IL6ST: variants seen among roughly 807,000 people sequenced by gnomAD.
IL6ST encodes interleukin 6 cytokine family signal transducer.
A neutral mutation model predicts 91.3 loss-of-function variants in IL6ST; 24 were observed. That is an observed-to-expected ratio of 0.26 (90% confidence interval 0.19 to 0.37). The LOEUF is 0.37. IL6ST is among the 10% of genes least tolerant of loss of function. The pLI is 1.00. For synonymous variants in IL6ST, 351 were observed against 373.6 expected, an observed-to-expected ratio of 0.94 and a Z score of 0.70; for missense variants, 914 against 1,078.5, an observed-to-expected ratio of 0.85 and a Z score of 2.14.
At position 55,939,365 on chromosome 5, in the gene IL6ST, A is replaced by G. The variant is rs1750739118; in HGVS notation, c.*1717T>C. On this transcript the variant is annotated 3_prime_UTR_variant, in exon 17 of 17. Transcript: ENST00000381298. ...GAAACATCTATTTTTTTCATAAAGAAGATCATATAATATGTGAAAGAACTT... is the reference window on the plus strand; with the variant it reads ...GAAACATCTATTTTTTTCATAAAGAGGATCATATAATATGTGAAAGAACTT... 1.0e-5 allele frequency: 2 copies of G among 200,076 alleles called. No homozygotes were observed. The highest frequency in any genetic ancestry group is 4.6e-5 in the African/African-American group (2 of 43,126). 12.4% of individuals were successfully genotyped at this position (200,076 alleles called of 1,614,324 possible). A position where few individuals can be genotyped will look rare whatever the true frequency, so the allele number is the denominator to read the frequency against.
chr5:55,967,920 C>T (rs879473322), intron 5 of IL6ST, among the ~76,000 whole-genome samples: 29 of 152,110 alleles, frequency 1.9e-4, no homozygotes, highest in Non-Finnish European at 2.6e-4. Flanking sequence ...CCTCAACCTC[C>T]GAGTCACTGG....
At position 55,956,199 on chromosome 5, in the gene IL6ST, C is replaced by A. The variant is rs1751959732; in HGVS notation, c.1093G>T (p.Asp365Tyr). 6.2e-7 allele frequency: 1 copy of A among 1,610,528 alleles called. No individual in the cohort carries two copies. Among genetic ancestry groups the A allele is most frequent in the African/African-American group, 1.3e-5 (1 of 74,964 alleles). ...CATCTTGTGAGAGTCACTTCATAAT[C>A]CAAGATTTTTCCATTGGCTTCAAAA... is the stretch of plus-strand genomic sequence containing the variant. ...PPFEANGKIL[D>Y]YEVTLTRWKS... The change falls in exon 10 of 17, where the codon GAT (aspartate) becomes TAT (tyrosine). Residue 365 changes from aspartate (D) to tyrosine (Y), a missense_variant. Transcript: ENST00000381298.
chr5:55,972,675 G>A (rs187806540), intron 3 of IL6ST, among the ~76,000 whole-genome samples: 34 of 152,180 alleles, frequency 2.2e-4, no homozygotes, highest in African/African-American at 7.9e-4. Flanking sequence ...TATTTTGAAT[G>A]TTTATAGGGC....
At chr5:55,972,150 TC>T (rs1753002603) in intron 3 of IL6ST, among the ~76,000 whole-genome samples, 1 of 152,152 alleles carries the variant, frequency 6.6e-6, no homozygotes, top group South Asian at 2.1e-4. Flanking sequence ...ACTCTAGAGT[TC>T]TAAAAAGATA....
chr5:55,981,040 T>A (rs1753635403), intron 2 of IL6ST, among the ~76,000 whole-genome samples: 1 of 152,206 alleles, frequency 6.6e-6, no homozygotes, highest in African/African-American at 2.4e-5. Context: ...AAATGTACTA[T>A]ATTCTTGCAA....
At chr5:55,973,405 C>G (rs533981558) in intron 3 of IL6ST, among the ~76,000 whole-genome samples, 6 of 152,152 alleles carry the variant, frequency 3.9e-5, no homozygotes, top group Non-Finnish European at 5.9e-5. Flanking sequence ...GAGGCTAGAT[C>G]ATTAAAAGAA....
intron 11 of IL6ST, 114 bp downstream of exon 11, chr5:55,954,696 G>C (rs1751850866): frequency 1.5e-6 from 1 of 684,638 alleles, no homozygotes; most frequent in South Asian, 2.1e-5. Context: ...TAAGTAGTGA[G>C]GCTATGATAA....
intron 15 of IL6ST, among the ~76,000 whole-genome samples, chr5:55,944,091 C>A (rs973877442): frequency 2.2e-4 from 34 of 151,886 alleles, no homozygotes; most frequent in Non-Finnish European, 3.5e-4. Context: ...AACAAAAAAA[C>A]CCCACAAAGC....
chr5:55,974,117 C>T (rs182261957), intron 3 of IL6ST, among the ~76,000 whole-genome samples: 2 of 152,258 alleles, frequency 1.3e-5, no homozygotes, highest in South Asian at 2.1e-4. Flanking sequence ...CACATAGTTA[C>T]GTAACTTTAT....
At chr5:55,958,094 G>A (rs1752093662) in intron 8 of IL6ST, among the ~76,000 whole-genome samples, 1 of 152,088 alleles carries the variant, frequency 6.6e-6, no homozygotes, top group Non-Finnish European at 1.5e-5. Context: ...ATCTGAAAAA[G>A]CAATCCATAA....
intron 4 of IL6ST, among the ~76,000 whole-genome samples, chr5:55,968,805 G>A (rs911263266): frequency 1.2e-4 from 19 of 152,044 alleles, no homozygotes; most frequent in South Asian, 6.2e-4. Context: ...TCCCAAACTC[G>A]TTGGAAGAAA....
chr5:55,979,010 G>T (rs1447238148), intron 2 of IL6ST, among the ~76,000 whole-genome samples: 1 of 152,062 alleles, frequency 6.6e-6, no homozygotes, highest in Non-Finnish European at 1.5e-5. Context: ...GATAAATTAT[G>T]GTATATTCAA....
intron 11 of IL6ST, 149 bp from the exon 12 acceptor site, chr5:55,952,500 G>T: frequency 1.9e-6 from 1 of 524,960 alleles, no homozygotes. Context: ...TTTGTGTACT[G>T]GATTCAAGCT....
chr5:55,963,990 CATTA>C (rs1561180446), intron 6 of IL6ST, among the ~76,000 whole-genome samples, 152 bp downstream of exon 6: 3 of 151,900 alleles, frequency 2.0e-5, no homozygotes, highest in African/African-American at 2.4e-5. Flanking sequence ...CTAAAATCTA[CATTA>C]ATTAAAATCT....
chr5:55,978,649 TGG>T (rs1753462129), intron 2 of IL6ST, among the ~76,000 whole-genome samples: 1 of 152,154 alleles, frequency 6.6e-6, no homozygotes, highest in Non-Finnish European at 1.5e-5. Context: ...TGCTTGAACC[TGG>T]GAGGCGGAGG....
At chr5:55,969,405 C>G in intron 4 of IL6ST, 145 bp downstream of exon 4, 1 of 584,450 alleles carries the variant, frequency 1.7e-6, no homozygotes. Context: ...GTGGTTCCTA[C>G]TTCTAAGCTT....
chr5:55,993,020 TAGG>T (rs1396953567), intron 1 of IL6ST, among the ~76,000 whole-genome samples: 3 of 152,182 alleles, frequency 2.0e-5, no homozygotes, highest in Non-Finnish European at 2.9e-5. Context: ...TAAAGCACAA[TAGG>T]AACCTCAACT....
chr5:55,991,162 C>T (rs113555304), intron 1 of IL6ST, among the ~76,000 whole-genome samples: 2 of 152,080 alleles, frequency 1.3e-5, no homozygotes, highest in African/African-American at 4.8e-5. Flanking sequence ...GAATTGGTTC[C>T]AAGTCTTTGC....
At position 55,936,582 on chromosome 5, in the gene IL6ST, A is replaced by G. The variant is rs531491179; in HGVS notation, c.*4500T>C. On this transcript the variant is annotated 3_prime_UTR_variant, in exon 17 of 17. Transcript: ENST00000381298. Reference sequence around the variant, plus strand: ...ACACTAAGATGCTTATTTAGCTAACACCACTAATGATAAATGCTGTTACAA... The same window carrying G: ...ACACTAAGATGCTTATTTAGCTAACGCCACTAATGATAAATGCTGTTACAA... The G allele has an allele frequency of 1.5e-5, 3 of 201,326 alleles. No individual in the cohort carries two copies. The highest frequency in any genetic ancestry group is 6.9e-5 in the African/African-American group (3 of 43,662). 12.5% of individuals were successfully genotyped at this position (201,326 alleles called of 1,614,324 possible). A position where few individuals can be genotyped will look rare whatever the true frequency, so the allele number is the denominator to read the frequency against.
Sources: allele counts gnomAD v4.1 joint callset (sites outside exome capture counted in the v4.1 genomes callset), GRCh38; gene constraint gnomAD v4.1.1; transcripts MANE v1.5; gene names NCBI Gene and HGNC (gene_info 2026-07-23, HGNC 2026-07-21).